Variants in PLEKHM3 observed in about 807,000 individuals in gnomAD.
The protein encoded by PLEKHM3 is pleckstrin homology domain-containing family M member 3.
In PLEKHM3, 45 loss-of-function variants were observed where a neutral mutation model predicts 81.8. The ratio of observed to expected loss-of-function variants is 0.55; its 90% CI spans 0.43 to 0.71. The LOEUF is 0.71. PLEKHM3 is among the 30% of genes least tolerant of loss of function. PLEKHM3 has a pLI of 0.00. For missense variants in PLEKHM3, 788 were observed against 924.3 expected, an observed-to-expected ratio of 0.85 and a Z score of 1.91; for synonymous variants, 352 against 356.4, an observed-to-expected ratio of 0.99 and a Z score of 0.14.
intron 4 of PLEKHM3, among the ~76,000 whole-genome samples, chr2:207,933,928 A>C (rs1559244703): frequency 1.3e-5 from 2 of 152,182 alleles, no homozygotes. Flanking sequence ...ATTTTTGAGA[A>C]TCAGCCACTA....
chr2:207,908,716 G>T, intron 5 of PLEKHM3, 139 bp from the exon 6 acceptor site: 1 of 656,602 alleles, frequency 1.5e-6, no homozygotes, highest in Non-Finnish European at 2.5e-6. Flanking sequence ...AGCCCTCTGA[G>T]GAACCTGTAA....
intron 3 of PLEKHM3, among the ~76,000 whole-genome samples, chr2:207,951,527 CTTTT>C (rs939997481): frequency 6.6e-6 from 1 of 151,800 alleles, no homozygotes; most frequent in South Asian, 2.1e-4. Context: ...ACCCACTGGC[CTTTT>C]TTTTATTATT....
In PLEKHM3 at chr2:208,021,811, G is replaced by C. The variant is rs147737100; in HGVS notation, c.-319+3578C>G. The stretch of plus-strand genomic sequence containing the variant: ...TAAACATAGTTCAGAGCTTACTATA[G>C]ATACGCATTTTTCCCCACCTAGCAA... On this transcript the variant is annotated intron_variant, in intron 1 of 7. Transcript: ENST00000427836. 6.9e-4 allele frequency among the ~76,000 whole-genome samples: 105 copies of C among 152,224 alleles called. 3 individuals are homozygous for C. In the East Asian group the frequency reaches 0.019, roughly 28 times the overall value.
Position 207,828,283 on chromosome 2 carries a change from T to C in PLEKHM3, c.*36A>G, listed in dbSNP as rs1559197294. The C allele has an allele frequency of 1.3e-6, 2 of 1,589,148 alleles. No homozygotes were observed. The highest frequency in any genetic ancestry group is 1.7e-5 in the Admixed American group (1 of 57,668). On this transcript the variant is annotated 3_prime_UTR_variant, in exon 8 of 8. Transcript: ENST00000427836. ...GGCCGCTCTGGGGCTGATGGATTGTTGATTGGTGAATCCCTGGCCTTCGGG... is the reference window on the plus strand; with the variant it reads ...GGCCGCTCTGGGGCTGATGGATTGTCGATTGGTGAATCCCTGGCCTTCGGG...
intron 1 of PLEKHM3, among the ~76,000 whole-genome samples, chr2:208,007,609 A>G (rs1692538523): frequency 6.6e-6 from 1 of 152,208 alleles, no homozygotes; most frequent in Non-Finnish European, 1.5e-5. Context: ...ACATACATAA[A>G]GAGCATACCA....
chr2:207,909,946 C>T (rs748037296), intron 5 of PLEKHM3, among the ~76,000 whole-genome samples: 2 of 152,188 alleles, frequency 1.3e-5, no homozygotes, highest in Non-Finnish European at 2.9e-5. Flanking sequence ...CACTATTAGA[C>T]TACTGAAAAT....
In PLEKHM3 at chr2:207,931,029, C is replaced by T; in HGVS notation, c.1783G>A (p.Ala595Thr). The T allele has an allele frequency of 6.2e-7, 1 of 1,614,084 alleles. No individual in the cohort carries two copies. Among genetic ancestry groups the T allele is most frequent in the South Asian group, 1.1e-5 (1 of 91,082 alleles). The change falls in exon 5 of 8, where the codon GCA becomes ACA. Residue 595 changes from alanine (A) to threonine (T), a missense_variant. Coordinates refer to ENST00000427836, the MANE Select transcript of PLEKHM3 (RefSeq NM_001080475.3). ...QQENAMLYHH[A>T]EPLAAVLRLR... Reference sequence around the variant, plus strand: ...CGCAGCACGGCGGCCAGCGGCTCTGCGTGGTGGTACAGCATGGCGTTCTCC... The same window carrying T: ...CGCAGCACGGCGGCCAGCGGCTCTGTGTGGTGGTACAGCATGGCGTTCTCC...
At chr2:207,913,022 A>C (rs1688858450) in intron 5 of PLEKHM3, among the ~76,000 whole-genome samples, 1 of 152,156 alleles carries the variant, frequency 6.6e-6, no homozygotes. Flanking sequence ...GAGGTCCTAC[A>C]AGTGGGCCTG....
chr2:207,882,723 T>G (rs1035060573), intron 6 of PLEKHM3, among the ~76,000 whole-genome samples: 4 of 152,062 alleles, frequency 2.6e-5, no homozygotes, highest in African/African-American at 9.7e-5. Flanking sequence ...TTATTCAGAC[T>G]AAAAGGCAGA....
At chr2:208,003,388 C>T (rs1692380081) in intron 1 of PLEKHM3, among the ~76,000 whole-genome samples, 1 of 152,160 alleles carries the variant, frequency 6.6e-6, no homozygotes, top group Non-Finnish European at 1.5e-5. Context: ...GTAAAAACTT[C>T]ACAATTTTTA....
chr2:207,884,827 A>T (rs1219777617), intron 6 of PLEKHM3, among the ~76,000 whole-genome samples: 1 of 152,200 alleles, frequency 6.6e-6, no homozygotes, highest in Non-Finnish European at 1.5e-5. Context: ...ACATAGTTCA[A>T]TCTGGCCCTG....
At chr2:207,835,088 C>T (rs2092311366) in intron 7 of PLEKHM3, among the ~76,000 whole-genome samples, 1 of 151,800 alleles carries the variant, frequency 6.6e-6, no homozygotes, top group African/African-American at 2.4e-5. Flanking sequence ...TTACAGGCAC[C>T]CGTCACCATG....
At chr2:207,909,243 C>T (rs897518167) in intron 5 of PLEKHM3, among the ~76,000 whole-genome samples, 1 of 152,198 alleles carries the variant, frequency 6.6e-6, no homozygotes, top group Non-Finnish European at 1.5e-5. Context: ...TGTCCGTTCA[C>T]AGCATCTGGA....
intron 6 of PLEKHM3, among the ~76,000 whole-genome samples, chr2:207,898,646 T>C (rs1232301325): frequency 6.6e-6 from 1 of 152,130 alleles, no homozygotes; most frequent in African/African-American, 2.4e-5. Context: ...TAGTCCCAGC[T>C]ACACAGGGGG....
chr2:207,994,091 A>G (rs966626465), intron 2 of PLEKHM3, among the ~76,000 whole-genome samples: 6 of 152,218 alleles, frequency 3.9e-5, no homozygotes, highest in African/African-American at 1.4e-4. Context: ...TTCGTAAACC[A>G]AACGCAATAG....
chr2:207,914,743 T>C (rs1224913931), intron 5 of PLEKHM3, among the ~76,000 whole-genome samples: 3 of 152,094 alleles, frequency 2.0e-5, no homozygotes, highest in Non-Finnish European at 4.4e-5. Context: ...CTTCATTATA[T>C]TAAGAACCAA....
At chr2:207,983,621 T>A (rs377410958) in intron 2 of PLEKHM3, among the ~76,000 whole-genome samples, 1 of 152,026 alleles carries the variant, frequency 6.6e-6, no homozygotes, top group Non-Finnish European at 1.5e-5. Context: ...ATTTCTCCAT[T>A]GCTTTCTACT....
chr2:207,869,717 A>C (rs1310391726), intron 6 of PLEKHM3: 2 of 152,124 alleles, frequency 1.3e-5, no homozygotes, highest in Non-Finnish European at 2.9e-5. Context: ...AATTCTTTTC[A>C]CCATCATTTT....
At chr2:208,010,358 T>G (rs1692650092) in intron 1 of PLEKHM3, among the ~76,000 whole-genome samples, 1 of 152,198 alleles carries the variant, frequency 6.6e-6, no homozygotes, top group African/African-American at 2.4e-5. Context: ...AATGGCCCAT[T>G]TTCATAAAAC....
Sources: allele counts gnomAD v4.1 joint callset (sites outside exome capture counted in the v4.1 genomes callset), GRCh38; gene constraint gnomAD v4.1.1; transcripts MANE v1.5; gene names NCBI Gene and HGNC (gene_info 2026-07-23, HGNC 2026-07-21).